PRKAA1: variants seen among roughly 807,000 people sequenced by gnomAD.
PRKAA1 encodes the protein 5'-AMP-activated protein kinase catalytic subunit alpha-1.
A neutral mutation model predicts 56.9 loss-of-function variants in PRKAA1; 23 were observed. That is an observed-to-expected ratio of 0.40 (90% CI 0.29 to 0.57). The LOEUF (loss-of-function observed/expected upper bound fraction) is 0.57. Among genes scored for constraint, PRKAA1 ranks in the 20% least tolerant of loss-of-function variants. The pLI is 0.39. For missense variants in PRKAA1, 413 were observed against 679.7 expected, an observed-to-expected ratio of 0.61 and a Z score of 4.36; for synonymous variants, 226 against 227.0, an observed-to-expected ratio of 1.00 and a Z score of 0.04.
intron 1 of PRKAA1, among the ~76,000 whole-genome samples, chr5:40,794,095 T>G (rs57507358): frequency 0.016 from 2,180 of 135,164 alleles, 52 homozygotes; most frequent in African/African-American, 0.053. Context: ...AGAGCAAAAC[T>G]GTCTCCAAAA....
intron 4 of PRKAA1, among the ~76,000 whole-genome samples, chr5:40,770,902 A>G (rs17239276): frequency 0.063 from 9,517 of 152,142 alleles, 415 homozygotes; most frequent in Non-Finnish European, 0.096. Flanking sequence ...AAATAAATTC[A>G]TTTTTAACAA....
chr5:40,773,416 G>A (rs1743842773), intron 3 of PRKAA1, among the ~76,000 whole-genome samples: 1 of 152,178 alleles, frequency 6.6e-6, no homozygotes, highest in Admixed American at 6.5e-5. Context: ...AAAGGATGGA[G>A]AAAGGGATGT....
intron 1 of PRKAA1, 72 bp downstream of exon 1, chr5:40,797,991 T>C: frequency 1.3e-6 from 2 of 1,555,374 alleles, no homozygotes; most frequent in Non-Finnish European, 1.7e-6. Context: ...CGGGGGAGGA[T>C]GAAGAGGTGC....
chr5:40,764,841 A>G lies in PRKAA1; in HGVS notation c.1219T>C (p.Trp407Arg). Residue 407 changes from tryptophan (W) to arginine (R), a missense_variant, in exon 7 of 9, where the codon TGG (tryptophan) becomes CGG (arginine). Coordinates refer to ENST00000397128, the MANE Select transcript of PRKAA1 (RefSeq NM_006251.6). ...SKHQGVRKAKWHLGIRSQSRP... is the reference protein window; with the variant it reads ...SKHQGVRKAKRHLGIRSQSRP... ...CTTTGACTTCTAATTCCTAAATGCC[A>G]TTTTGCTTTCCTTACACCTTGGTGT... 1 of 1,614,008 alleles carries G rather than the reference A, an allele frequency of 6.2e-7. No homozygotes were observed. The highest frequency in any genetic ancestry group is 1.3e-5 in the African/African-American group (1 of 74,982).
At chr5:40,778,492 C>T (rs895460854) in intron 1 of PRKAA1, among the ~76,000 whole-genome samples, 16 of 151,948 alleles carry the variant, frequency 1.1e-4, no homozygotes, top group Non-Finnish European at 1.3e-4. Flanking sequence ...TATACCTTTT[C>T]GTATTTTTAA....
chr5:40,777,686 C>T, intron 1 of PRKAA1, 100 bp from the exon 2 acceptor site: 1 of 1,195,296 alleles, frequency 8.4e-7, no homozygotes, highest in Non-Finnish European at 1.1e-6. Flanking sequence ...GTAATCCCAG[C>T]ACTTTGGGAG....
chr5:40,796,427 G>A (rs181367354), intron 1 of PRKAA1, among the ~76,000 whole-genome samples: 1 of 152,222 alleles, frequency 6.6e-6, no homozygotes, highest in Admixed American at 6.5e-5. Context: ...ACTCTGGGAA[G>A]GGATGGGGGC....
chr5:40,785,490 C>A (rs530379823), intron 1 of PRKAA1, among the ~76,000 whole-genome samples: 3 of 152,050 alleles, frequency 2.0e-5, no homozygotes, highest in Non-Finnish European at 2.9e-5. Context: ...TCCGCCCCCC[C>A]TCGGCCTCCC....
chr5:40,796,522 T>C (rs143276461), intron 1 of PRKAA1, among the ~76,000 whole-genome samples: 27 of 152,212 alleles, frequency 1.8e-4, no homozygotes, highest in African/African-American at 5.8e-4. Context: ...TAGCCAAAGA[T>C]AAAGTTAAAA....
intron 8 of PRKAA1, among the ~76,000 whole-genome samples, chr5:40,763,483 G>A (rs1429597427): frequency 6.6e-6 from 1 of 152,172 alleles, no homozygotes; most frequent in Non-Finnish European, 1.5e-5. Flanking sequence ...AGAAAGGTAA[G>A]TCTAGAACCC....
chr5:40,784,233 A>G (rs1048823263), intron 1 of PRKAA1, among the ~76,000 whole-genome samples: 1 of 152,154 alleles, frequency 6.6e-6, no homozygotes, highest in African/African-American at 2.4e-5. Flanking sequence ...GTTTTATCTC[A>G]GCTCTGATTG....
intron 8 of PRKAA1, among the ~76,000 whole-genome samples, chr5:40,763,698 A>C (rs1470475086): frequency 6.6e-6 from 1 of 152,234 alleles, no homozygotes; most frequent in Non-Finnish European, 1.5e-5. Context: ...ATCCAAATAC[A>C]AGAAAAATAA....
chr5:40,778,141 T>G (rs555856907), intron 1 of PRKAA1, among the ~76,000 whole-genome samples: 61 of 152,170 alleles, frequency 4.0e-4, no homozygotes, highest in African/African-American at 1.4e-3. Context: ...TCCCAGCTAC[T>G]TGGGAGGTGA....
At chr5:40,785,186 TG>T (rs1272807286) in intron 1 of PRKAA1, among the ~76,000 whole-genome samples, 3 of 152,232 alleles carry the variant, frequency 2.0e-5, no homozygotes, top group African/African-American at 7.2e-5. Flanking sequence ...ACTGAAAACC[TG>T]CCTCATATCA....
intron 6 of PRKAA1, among the ~76,000 whole-genome samples, chr5:40,765,886 T>C (rs1357149435): frequency 3.3e-5 from 5 of 152,156 alleles, no homozygotes; most frequent in Admixed American, 3.3e-4. Flanking sequence ...ACTTCGTATA[T>C]TTAAGAATAT....
rs1412458120 is a variant in PRKAA1 at position 40,764,928 on chromosome 5, A to G, written c.1132T>C (p.Leu378=). ...CGTGCCCTTGGTGTTTCAGCAACCA[A>G]GAATGGTACTCTTTCAGGATGGGGC... ...TRPHPERVPF[L]VAETPRARHT... is the part of the protein sequence containing the mutation. The change falls in exon 7 of 9, where the codon TTG becomes CTG. Residue 378 remains leucine (L), a synonymous_variant. Coordinates refer to ENST00000397128, the MANE Select transcript of PRKAA1 (RefSeq NM_006251.6). The G allele has an allele frequency of 6.2e-7, 1 of 1,614,084 alleles. No homozygotes were observed. The highest frequency in any genetic ancestry group is 1.3e-5 in the African/African-American group (1 of 74,942).
chr5:40,774,897 C>G (rs750221610), intron 3 of PRKAA1: 1 of 1,534,696 alleles, frequency 6.5e-7, no homozygotes, highest in African/African-American at 1.4e-5. Context: ...AAGTTCCTTC[C>G]AGCTGTAAAT....
rs1387584404 is a variant in PRKAA1, at chr5:40,762,715, G to T, written c.*63C>A. On this transcript the variant is annotated 3_prime_UTR_variant, in exon 9 of 9. Coordinates refer to ENST00000397128, the MANE Select transcript of PRKAA1 (RefSeq NM_006251.6). ...ATGTATAACTTGATTACAAATGGAA[G>T]CATTTGGCTGTGACTTATTATGCAT... The T allele has an allele frequency of 6.3e-7, 1 of 1,578,170 alleles. No homozygotes were observed. The highest frequency in any genetic ancestry group is 8.6e-7 in the Non-Finnish European group (1 of 1,157,256).
rs185180018 is a variant in PRKAA1, at chr5:40,787,336, A to T, written c.128-9750T>A. On this transcript the variant is annotated intron_variant, in intron 1 of 8. Coordinates refer to ENST00000397128, the MANE Select transcript of PRKAA1 (RefSeq NM_006251.6). ...CAAAATTAGCCGGGCGTGGTGGCGC[A>T]TGCCTGTAATCCCAGCTACTCACGA... Among the ~76,000 whole-genome samples the T allele has an allele frequency of 4.2e-3, 635 of 151,938 alleles. 3 individuals are homozygous for T. Among genetic ancestry groups the T allele is most frequent in the African/African-American group, 0.015 (610 of 41,428 alleles).
Sources: allele counts gnomAD v4.1 joint callset (sites outside exome capture counted in the v4.1 genomes callset), GRCh38; gene constraint gnomAD v4.1.1; transcripts MANE v1.5; gene names NCBI Gene and HGNC (gene_info 2026-07-23, HGNC 2026-07-21).